Variants in TFDP2 observed in about 807,000 individuals in gnomAD.
The protein encoded by TFDP2 is transcription factor Dp-2.
In TFDP2, 17 loss-of-function variants were observed where a neutral mutation model predicts 59.3. The observed-to-expected ratio is 0.29, with a 90% CI of 0.20 to 0.43. The LOEUF is 0.43. Ranked by LOEUF, TFDP2 falls within the 20% of genes least tolerant of loss-of-function variation. The pLI is 1.00. For missense variants in TFDP2, 391 were observed against 528.8 expected (o/e 0.74, Z 2.56); for synonymous variants, 180 against 194.7 (o/e 0.92, Z 0.63).
At chr3:142,127,096 TTATA>T (rs2062294238) in intron 1 of TFDP2, among the ~76,000 whole-genome samples, 2 of 148,468 alleles carry the variant, frequency 1.3e-5, no homozygotes, top group Admixed American at 1.3e-4. Flanking sequence ...ACCTATATAA[TTATA>T]TATAGATGAT....
chr3:142,045,842 C>T (rs1947320554), intron 3 of TFDP2, among the ~76,000 whole-genome samples: 1 of 151,178 alleles, frequency 6.6e-6, no homozygotes, highest in Non-Finnish European at 1.5e-5. Flanking sequence ...AGGCTGGTCT[C>T]AAAATCCTGA....
chr3:142,082,152 C>T lies in TFDP2; in HGVS notation c.82+10909G>A, dbSNP rs145794123. ...TTAGAGTCTCACAGGAGTGCAAACC[C>T]TGTTGTGAACTGTGCATGTGAGGGA... is the stretch of plus-strand genomic sequence containing the variant. On this transcript the variant is annotated intron_variant, in intron 3 of 12. Transcript: ENST00000489671. Among the ~76,000 whole-genome samples, 519 of 152,262 alleles carry T rather than the reference C, an allele frequency of 3.4e-3. 1 individual carries two copies. The highest frequency in any genetic ancestry group is 5.8e-3 in the Non-Finnish European group (396 of 68,028).
intron 3 of TFDP2, chr3:142,044,242 T>TG: frequency 8.1e-6 from 2 of 246,988 alleles, no homozygotes; most frequent in Non-Finnish European, 1.6e-5. Flanking sequence ...TTTTTTTTTT[T>TG]TTTTTTTTTT....
At chr3:142,041,714 T>C (rs1370653160) in intron 3 of TFDP2, among the ~76,000 whole-genome samples, 1 of 152,274 alleles carries the variant, frequency 6.6e-6, no homozygotes, top group Non-Finnish European at 1.5e-5. Context: ...TCATGAATCA[T>C]GCTTTTGGCG....
Position 142,075,981 on chromosome 3 carries a change from C to A in TFDP2, c.82+17080G>T, listed in dbSNP as rs201389790. On this transcript the variant is annotated intron_variant, in intron 3 of 12. Coordinates refer to ENST00000489671, the MANE Select transcript of TFDP2 (RefSeq NM_001178139.2). ...GTCCCAGCACTTCAGGAGGCTGAGGCGGGCGGATCACCTGAGGTCAGGAGT... is the reference window on the plus strand; with the variant it reads ...GTCCCAGCACTTCAGGAGGCTGAGGAGGGCGGATCACCTGAGGTCAGGAGT... Among the ~76,000 whole-genome samples the A allele has an allele frequency of 2.0e-5, 3 of 149,384 alleles. No homozygotes were observed. In the East Asian group the frequency reaches 5.9e-4, roughly 29 times the overall value.
intron 11 of TFDP2, among the ~76,000 whole-genome samples, chr3:141,954,016 T>C (rs1936247450): frequency 2.0e-5 from 3 of 151,698 alleles, no homozygotes; most frequent in Admixed American, 2.0e-4. Context: ...CAAAATTAGC[T>C]GGGCGTTGTG....
intron 3 of TFDP2, among the ~76,000 whole-genome samples, chr3:142,061,513 CCCTCT>C (rs1189135781): frequency 6.6e-6 from 1 of 151,972 alleles, no homozygotes; most frequent in African/African-American, 2.4e-5. Context: ...AAGAAAATCA[CCCTCT>C]CCAATGGAGA....
At chr3:142,065,436 G>A (rs548190107) in intron 3 of TFDP2, among the ~76,000 whole-genome samples, 62 of 151,982 alleles carry the variant, frequency 4.1e-4, no homozygotes, top group African/African-American at 1.3e-3. Context: ...AATTACAGGC[G>A]TGTAATTTTA....
chr3:142,005,300 A>C (rs1576665945), intron 4 of TFDP2, 141 bp downstream of exon 4: 4 of 594,642 alleles, frequency 6.7e-6, no homozygotes, highest in Non-Finnish European at 1.1e-5. Flanking sequence ...CGGCCTCCCA[A>C]AGTGTTGGGA....
chr3:142,067,068 C>G (rs1293316924), intron 3 of TFDP2, among the ~76,000 whole-genome samples: 1 of 152,116 alleles, frequency 6.6e-6, no homozygotes, highest in African/African-American at 2.4e-5. Flanking sequence ...AAATAAAAGA[C>G]TTAACACTTT....
chr3:141,952,811 C>T, intron 12 of TFDP2, 100 bp downstream of exon 12: 1 of 1,544,470 alleles, frequency 6.5e-7, no homozygotes, highest in Non-Finnish European at 8.9e-7. Context: ...CAAACCTGCT[C>T]AGCAGGACCT....
chr3:142,122,028 C>T (rs1457503908), intron 1 of TFDP2, among the ~76,000 whole-genome samples: 2 of 152,022 alleles, frequency 1.3e-5, no homozygotes, highest in Non-Finnish European at 2.9e-5. Flanking sequence ...GAGATCTTCA[C>T]ACACTATGAG....
intron 3 of TFDP2, among the ~76,000 whole-genome samples, chr3:142,019,048 C>A (rs13069749): frequency 6.8e-6 from 1 of 147,376 alleles, no homozygotes; most frequent in Non-Finnish European, 1.5e-5. Flanking sequence ...TATTATTCTT[C>A]GCACATTTTT....
At chr3:142,090,504 A>C (rs1307447991) in intron 3 of TFDP2, among the ~76,000 whole-genome samples, 1 of 146,726 alleles carries the variant, frequency 6.8e-6, no homozygotes, top group African/African-American at 2.5e-5. Context: ...TCTCACCTAA[A>C]CCCCCATTCT....
At chr3:142,147,210 C>T (rs1054890291) in intron 1 of TFDP2, among the ~76,000 whole-genome samples, 4 of 152,118 alleles carry the variant, frequency 2.6e-5, no homozygotes, top group African/African-American at 9.7e-5. Context: ...TCATGCCGCA[C>T]ACCTAGAGTC....
At chr3:142,061,889 TACACACACACACACACACA>T (rs1342211242) in intron 3 of TFDP2, among the ~76,000 whole-genome samples, 1,438 of 79,952 alleles carry the variant, frequency 0.018, 45 homozygotes, top group African/African-American at 0.054. Flanking sequence ...TCTCTCTCTC[TACACACACACACACACACA>T]CACACACACA....
At position 141,995,883 on chromosome 3, in the gene TFDP2, CAAAAA is replaced by C. The variant is rs146557075; in HGVS notation, c.187-747_187-743del. Among the ~76,000 whole-genome samples the C allele has an allele frequency of 1.6e-3, 109 of 67,948 alleles. 1 individual carries two copies. Among genetic ancestry groups the C allele is most frequent in the African/African-American group, 5.3e-3 (104 of 19,774 alleles). 44.6% of individuals were successfully genotyped at this position (67,948 alleles called of 152,430 possible). Reference sequence around the variant, plus strand: ...GGGCAAAAAGAGCAAAACTCCATTTCAAAAAAAAAAAAAAAAAAAAAAAAGAGTAT... The same window carrying C: ...GGGCAAAAAGAGCAAAACTCCATTTCAAAAAAAAAAAAAAAAAAAGAGTAT... On this transcript the variant is annotated intron_variant, in intron 4 of 12. Coordinates refer to ENST00000489671, the MANE Select transcript of TFDP2 (RefSeq NM_001178139.2).
At chr3:142,043,913 T>C (rs180772600) in intron 3 of TFDP2, 8 of 899,756 alleles carry the variant, frequency 8.9e-6, no homozygotes, top group Admixed American at 8.5e-5. Context: ...CGGCGCAGAA[T>C]CCACATGACC....
chr3:141,949,678 G>A lies in TFDP2; in HGVS notation c.*2835C>T, dbSNP rs972150807. The A allele has an allele frequency of 3.9e-5, 6 of 152,472 alleles. No homozygotes were observed. The highest frequency in any genetic ancestry group is 2.0e-4 in the Admixed American group (3 of 15,294). The allele number at this position is 152,472 out of a possible 1,614,324, so 9.4% of individuals were successfully genotyped here. A position where few individuals can be genotyped will look rare whatever the true frequency, so the allele number is the denominator to read the frequency against. ...AAAGGGGGACAGCCACACCCTCAAGGGGAAAAGGCCTCTTGAACTCCCCAC... is the reference window on the plus strand; with the variant it reads ...AAAGGGGGACAGCCACACCCTCAAGAGGAAAAGGCCTCTTGAACTCCCCAC... On this transcript the variant is annotated 3_prime_UTR_variant, in exon 13 of 13. Transcript: ENST00000489671.
Sources: gnomAD v4.1 joint callset for allele counts (sites outside exome capture counted in the v4.1 genomes callset) on GRCh38, gnomAD v4.1.1 for gene constraint, MANE v1.5 for transcripts, NCBI Gene and HGNC (gene_info 2026-07-23, HGNC 2026-07-21) for gene names.